The following PHB2 variants were observed in gnomAD, a reference collection of about 807,000 sequenced individuals.
PHB2 encodes prohibitin 2.
In PHB2, 22 loss-of-function variants were observed where a neutral mutation model predicts 46.4. The ratio of observed to expected loss-of-function variants is 0.47; its 90% CI spans 0.34 to 0.68. The LOEUF is 0.68. Among genes scored for constraint, PHB2 ranks in the 30% least tolerant of loss-of-function variants. The probability of loss-of-function intolerance (pLI) is 0.01; values close to 1 mark genes in which losing one functional copy is unlikely to be tolerated. For missense variants in PHB2, 305 were observed against 382.8 expected (o/e 0.80, Z 1.70); for synonymous variants, 156 against 150.5 (o/e 1.04, Z -0.27).
At chr12:6,966,050 G>A in intron 8 of PHB2, 134 bp from the exon 9 acceptor site, 1 of 931,440 alleles carries the variant, frequency 1.1e-6, no homozygotes, top group Non-Finnish European at 1.7e-6. Context: ...TTGACAGCCA[G>A]GAATCTCAGG....
At chr12:6,966,207 TTTATAA>T (rs1762787902) in intron 8 of PHB2, among the ~76,000 whole-genome samples, 2 of 152,346 alleles carry the variant, frequency 1.3e-5, no homozygotes, top group South Asian at 4.1e-4. Flanking sequence ...AGATGAAAAC[TTTATAA>T]TTAAAGTGCT....
At chr12:6,968,044 G>C (rs375814822) in intron 4 of PHB2, 23 bp from the exon 5 acceptor site, 2 of 1,576,256 alleles carry the variant, frequency 1.3e-6, no homozygotes, top group Non-Finnish European at 1.7e-6. Context: ...GTGAAGAGGG[G>C]AAGGGAGGGG....
At chr12:6,965,795 G>T in intron 9 of PHB2, 83 bp from the exon 10 acceptor site, 3 of 1,538,898 alleles carry the variant, frequency 1.9e-6, no homozygotes, top group Non-Finnish European at 8.9e-7. Context: ...TTCCCTCTAC[G>T]ACCCTCCTAC....
Position 6,965,593 on chromosome 12 carries a change from G to A in PHB2, c.*92C>T, listed in dbSNP as rs782682730. The A allele has an allele frequency of 8.3e-6, 8 of 958,700 alleles. No homozygotes were observed. In the African/African-American group the frequency reaches 9.6e-5, roughly 12 times the overall value. 59.4% of individuals were successfully genotyped at this position (958,700 alleles called of 1,614,324 possible). The stretch of plus-strand genomic sequence containing the variant: ...GGGGACCATCGCATGATACTGGGGC[G>A]GGGTAGGGCTGTGCTGGACCCCTGG... On this transcript the variant is annotated 3_prime_UTR_variant, in exon 10 of 10. Coordinates refer to ENST00000535923, the MANE Select transcript of PHB2 (RefSeq NM_001144831.2).
intron 4 of PHB2, 71 bp from the exon 5 acceptor site, chr12:6,968,092 G>A (rs1225199968): frequency 3.6e-6 from 5 of 1,388,910 alleles, no homozygotes; most frequent in Middle Eastern, 1.9e-4. Context: ...GGAAGGTTGC[G>A]ACCCCTAACC....
At position 6,970,399 on chromosome 12, in the gene PHB2, C is replaced by T; in HGVS notation, c.127+18G>A. The stretch of plus-strand genomic sequence containing the variant: ...GGAGGGACTGGAAGCGTCCGGCGAG[C>T]AGGCGGAGGTTGCTCACCGGTGAAC... On this transcript the variant is annotated intron_variant, in intron 1 of 9. Transcript: ENST00000535923. The T allele has an allele frequency of 6.2e-7, 1 of 1,603,880 alleles. No homozygotes were observed. Among genetic ancestry groups the T allele is most frequent in the Non-Finnish European group, 8.5e-7 (1 of 1,179,668 alleles).
At position 6,965,686 on chromosome 12, in the gene PHB2, C is replaced by T; in HGVS notation, c.899G>A (p.Ter300=). ...GSDSLIKGKK[*] ...GGGTGGAGTTCTTGGTGACTAGGCT[C>T]ATTTCTTACCCTTGATGAGGCTGTC... is the stretch of plus-strand genomic sequence containing the variant. The change falls in exon 10 of 10, where the codon TGA becomes TAA. Residue 300 remains the stop codon, a stop_retained_variant. Transcript: ENST00000535923. 1 of 1,611,986 alleles carries T rather than the reference C, an allele frequency of 6.2e-7. No homozygotes were observed. Among genetic ancestry groups the T allele is most frequent in the Non-Finnish European group, 8.5e-7 (1 of 1,178,708 alleles).
rs377240624 is a variant in PHB2 at position 6,968,453 on chromosome 12, C to T, written c.435G>A (p.Val145=). ...SIVNEVLKSV[V]AKFNASQLIT... is the part of the protein sequence containing the mutation. Reference sequence around the variant, plus strand: ...TCAGCTGTGAGGCATTGAACTTGGCCACCACACTCTTGAGCACCTCGTTGA... The same window carrying T: ...TCAGCTGTGAGGCATTGAACTTGGCTACCACACTCTTGAGCACCTCGTTGA... The change falls in exon 4 of 10, where the codon GTG becomes GTA. Residue 145 remains valine, a synonymous_variant. Transcript: ENST00000535923. 45 of 1,612,652 alleles carry T rather than the reference C, an allele frequency of 2.8e-5. No homozygotes were observed. Among genetic ancestry groups the T allele is most frequent in the Non-Finnish European group, 3.8e-5 (45 of 1,179,472 alleles).
rs1176358964 is a variant in PHB2, at chr12:6,967,846, C to T, written c.607+46G>A. On this transcript the variant is annotated intron_variant, in intron 5 of 9. Coordinates refer to ENST00000535923, the MANE Select transcript of PHB2 (RefSeq NM_001144831.2). The surrounding 1 kb of genome is among the most constrained non-coding windows in gnomAD (Gnocchi z 4.9). Reference sequence around the variant, plus strand: ...GAGCCCCACCCATGGAGTCTTTCCTCCTCCTGCATCTCAGAAGCCCTCACC... The same window carrying T: ...GAGCCCCACCCATGGAGTCTTTCCTTCTCCTGCATCTCAGAAGCCCTCACC... 15 of 1,610,214 alleles carry T rather than the reference C, an allele frequency of 9.3e-6. No homozygotes were observed. Among genetic ancestry groups the T allele is most frequent in the Non-Finnish European group, 1.2e-5 (14 of 1,177,286 alleles).
rs782754128 is a variant in PHB2 at position 6,967,528 on chromosome 12, C to T, written c.711+148G>A. 3.3e-6 allele frequency: 3 copies of T among 903,652 alleles called. No homozygotes were observed. The South Asian group carries it at 3.9e-5, about 12-fold the overall frequency. 56.0% of individuals were successfully genotyped at this position (903,652 alleles called of 1,614,324 possible). A position where few individuals can be genotyped will look rare whatever the true frequency, so the allele number is the denominator to read the frequency against. ...GTACTACCACTAAGATTTCAGATCT[C>T]ATCTGTAGTCCCCACCCCCAACAAG... On this transcript the variant is annotated intron_variant, in intron 6 of 9. Transcript: ENST00000535923. This position sits in a 1 kb window ranked among gnomAD's most constrained non-coding sequence, Gnocchi z 4.9.
upstream of PHB2, chr12:6,970,703 C>A: frequency 1.0e-6 from 1 of 982,488 alleles, no homozygotes; most frequent in Non-Finnish European, 1.5e-6. Context: ...AAACCCTCCC[C>A]CTTAGCCCAC....
At chr12:6,966,636 T>C (rs1946215433) in intron 7 of PHB2, 136 bp from the exon 8 acceptor site, 1 of 682,840 alleles carries the variant, frequency 1.5e-6, no homozygotes, top group Non-Finnish European at 2.7e-6. Flanking sequence ...ACATGGTTTC[T>C]GCTCGCACTT....
chr12:6,967,271 C>G lies in PHB2; in HGVS notation c.712-23G>C, dbSNP rs1946229522. On this transcript the variant is annotated intron_variant, in intron 6 of 9. Coordinates refer to ENST00000535923, the MANE Select transcript of PHB2 (RefSeq NM_001144831.2). The surrounding 1 kb of genome is among the most constrained non-coding windows in gnomAD (Gnocchi z 4.9). Reference sequence around the variant, plus strand: ...AAGGTGAGGAGGGTTAAGGTACACGCAAGGGCAGGTCTCAATCCCTGGCCC... The same window carrying G: ...AAGGTGAGGAGGGTTAAGGTACACGGAAGGGCAGGTCTCAATCCCTGGCCC... The G allele has an allele frequency of 6.2e-7, 1 of 1,613,632 alleles. No homozygotes were observed. The highest frequency in any genetic ancestry group is 8.5e-7 in the Non-Finnish European group (1 of 1,179,588).
chr12:6,966,745 TTTTA>T (rs1464958079), intron 7 of PHB2, among the ~76,000 whole-genome samples: 7 of 152,048 alleles, frequency 4.6e-5, no homozygotes, highest in African/African-American at 1.7e-4. Context: ...GAAGCCAATT[TTTTA>T]TTTATTTATT....
In PHB2 at chr12:6,965,827, G is replaced by A. The variant is rs58209618; in HGVS notation, c.872+84C>T. 6,119 of 1,574,100 alleles carry A rather than the reference G, an allele frequency of 3.9e-3. 203 individuals are homozygous for A. The African/African-American group carries it at 0.072, about 18-fold the overall frequency. On this transcript the variant is annotated intron_variant, in intron 9 of 9. Transcript: ENST00000535923. ...CTACCCTGATTGAGGGTTTGTCTTC[G>A]GGGAGGTGGGAAAGGGGGTAGGGTA...
chr12:6,968,718 G>A (rs1555151378), intron 3 of PHB2, 123 bp from the exon 4 acceptor site: 3 of 774,096 alleles, frequency 3.9e-6, no homozygotes. Context: ...CCTGGGGGGA[G>A]GAGAGTTAAT....
rs116443139 is a variant in PHB2 at position 6,969,094 on chromosome 12, G to A, written c.292+404C>T. On this transcript the variant is annotated intron_variant, in intron 3 of 9. Coordinates refer to ENST00000535923, the MANE Select transcript of PHB2 (RefSeq NM_001144831.2). ...AGAGGTCTGGGGAACTCAAAGGCAC[G>A]GCTTTTATGTATGGTCTAGAAGGAG... 8.0e-3 allele frequency among the ~76,000 whole-genome samples: 1,224 copies of A among 152,232 alleles called. 15 individuals are homozygous for A. The highest frequency in any genetic ancestry group is 0.028 in the African/African-American group (1,166 of 41,528).
chr12:6,968,002 C>T lies in PHB2; in HGVS notation c.497G>A (p.Arg166Gln), dbSNP rs1555151173. The part of the protein sequence containing the change: ...QRAQVSLLIR[R>Q]ELTERAKDFS... ...GTCCTTGGCCCTCTCTGTCAGCTCCCGGCGGATCAACAGGGATACCTGAGG... is the reference window on the plus strand; with the variant it reads ...GTCCTTGGCCCTCTCTGTCAGCTCCTGGCGGATCAACAGGGATACCTGAGG... The change falls in exon 5 of 10, where the codon CGG becomes CAG. Residue 166 changes from arginine to glutamine, a missense_variant. Physicochemically the swap from Arg to Gln is conservative, Grantham distance 43. Coordinates refer to ENST00000535923, the MANE Select transcript of PHB2 (RefSeq NM_001144831.2). 8.7e-6 allele frequency: 14 copies of T among 1,607,658 alleles called. No individual in the cohort carries two copies. The highest frequency in any genetic ancestry group is 1.3e-5 in the African/African-American group (1 of 74,768).
rs1264955741 is a variant in PHB2 at position 6,965,671 on chromosome 12, C to T, written c.*14G>A. The T allele has an allele frequency of 3.1e-6, 5 of 1,610,476 alleles. No individual in the cohort carries two copies. In the African/African-American group the frequency reaches 4.0e-5, roughly 13 times the overall value. ...ATCCACTTCCTCTGGGGGTGGAGTTCTTGGTGACTAGGCTCATTTCTTACC... is the reference window on the plus strand; with the variant it reads ...ATCCACTTCCTCTGGGGGTGGAGTTTTTGGTGACTAGGCTCATTTCTTACC... On this transcript the variant is annotated 3_prime_UTR_variant, in exon 10 of 10. Transcript: ENST00000535923.
Sources: gnomAD v4.1 joint callset for allele counts (sites outside exome capture counted in the v4.1 genomes callset) on GRCh38, gnomAD v4.1.1 for gene constraint, Gnocchi (gnomAD v3.1) non-coding constraint, MANE v1.5 for transcripts, NCBI Gene and HGNC (gene_info 2026-07-23, HGNC 2026-07-21) for gene names.